BCL2L13: variants seen among roughly 807,000 people sequenced by gnomAD.
The protein encoded by BCL2L13 is BCL2 like 13.
A neutral mutation model predicts 25.8 loss-of-function variants in BCL2L13; 13 were observed. That is an observed-to-expected ratio of 0.50 (90% CI 0.33 to 0.80). The LOEUF is 0.80. Among genes scored for constraint, BCL2L13 ranks in the 30% least tolerant of loss-of-function variants. BCL2L13 has a pLI of 0.02. For missense variants in BCL2L13, 504 were observed against 574.9 expected (o/e 0.88, Z 1.26); for synonymous variants, 244 against 230.3 (o/e 1.06, Z -0.54).
chr22:17,715,500 C>T lies in BCL2L13; in HGVS notation c.601-11177C>T, dbSNP rs116234737. 5.7e-3 allele frequency among the ~76,000 whole-genome samples: 871 copies of T among 151,818 alleles called. 9 individuals are homozygous for T. Among genetic ancestry groups the T allele is most frequent in the African/African-American group, 0.02 (837 of 41,396 alleles). ...CCCAGCCTATATTAATGTAACTATA[C>T]ATAACATTATATTAATATAATAAAA... On this transcript the variant is annotated intron_variant, in intron 6 of 6. Transcript: ENST00000317582.
intron 2 of BCL2L13, among the ~76,000 whole-genome samples, chr22:17,668,804 A>T (rs982163365): frequency 2.0e-5 from 3 of 152,086 alleles, no homozygotes; most frequent in Non-Finnish European, 2.9e-5. Context: ...GGTTTGAAGT[A>T]GGGATTCAGA....
At chr22:17,697,909 A>C (rs570364534) in intron 5 of BCL2L13, among the ~76,000 whole-genome samples, 19 of 152,104 alleles carry the variant, frequency 1.2e-4, no homozygotes, top group South Asian at 4.2e-4. Context: ...GCTCACTGCA[A>C]CCTCCGCCTC....
chr22:17,728,643 T>C lies in BCL2L13; in HGVS notation c.*1109T>C, dbSNP rs1350514526. On this transcript the variant is annotated 3_prime_UTR_variant, in exon 7 of 7. Transcript: ENST00000317582. ...GGGTAAGGATTTTTATTCTTGGGCT[T>C]ATAGAGCCAGTTAGATCATAATTCT... 1 of 152,238 alleles carries C rather than the reference T, an allele frequency of 6.6e-6. No homozygotes were observed. Among genetic ancestry groups the C allele is most frequent in the African/African-American group, 2.4e-5 (1 of 41,466 alleles). The allele number at this position is 152,238 out of a possible 1,614,324, so 9.4% of individuals were successfully genotyped here. A position where few individuals can be genotyped will look rare whatever the true frequency, so the allele number is the denominator to read the frequency against.
chr22:17,703,285 C>T (rs2060494764), intron 6 of BCL2L13: 1 of 152,164 alleles, frequency 6.6e-6, no homozygotes, highest in African/African-American at 2.4e-5. Flanking sequence ...TGTCCATTTA[C>T]ATTTAATCAG....
chr22:17,723,241 C>T (rs1166756329), intron 6 of BCL2L13, among the ~76,000 whole-genome samples: 1 of 152,136 alleles, frequency 6.6e-6, no homozygotes, highest in East Asian at 1.9e-4. Flanking sequence ...TGGTCCTTAC[C>T]CTGAGGCTGG....
chr22:17,671,116 C>T (rs376108397), intron 2 of BCL2L13, among the ~76,000 whole-genome samples: 6 of 139,004 alleles, frequency 4.3e-5, no homozygotes, highest in Admixed American at 7.2e-5. Flanking sequence ...AAAAATTGGC[C>T]GGGCACGGTG....
At chr22:17,649,074 T>C (rs2058589458) in intron 1 of BCL2L13, among the ~76,000 whole-genome samples, 1 of 151,964 alleles carries the variant, frequency 6.6e-6, no homozygotes. Flanking sequence ...TTGTTGGGAT[T>C]ATGGGCATGA....
At chr22:17,652,395 C>G (rs958098145) in intron 1 of BCL2L13, among the ~76,000 whole-genome samples, 1 of 152,130 alleles carries the variant, frequency 6.6e-6, no homozygotes, top group African/African-American at 2.4e-5. Context: ...TGTGTAAAAT[C>G]ATGAAATATA....
At chr22:17,693,445 T>TCTCGG (rs2060175316) in intron 4 of BCL2L13, among the ~76,000 whole-genome samples, 1 of 142,606 alleles carries the variant, frequency 7.0e-6, no homozygotes, top group African/African-American at 2.6e-5. Context: ...AGTGGTGCAA[T>TCTCGG]CTCGGCTCAC....
At chr22:17,684,664 A>G (rs1287875591) in intron 3 of BCL2L13, 5 of 451,498 alleles carry the variant, frequency 1.1e-5, no homozygotes, top group Non-Finnish European at 1.8e-5. Context: ...CCCAGGTTCA[A>G]ATGATTCTCC....
intron 6 of BCL2L13, among the ~76,000 whole-genome samples, chr22:17,722,394 T>C (rs967439518): frequency 1.5e-4 from 23 of 151,558 alleles, no homozygotes; most frequent in East Asian, 7.8e-4. Context: ...TGTGTGTGTG[T>C]GTGTGTGTGT....
chr22:17,637,312 C>T (rs531103415), upstream of BCL2L13, among the ~76,000 whole-genome samples: 1 of 150,416 alleles, frequency 6.6e-6, no homozygotes, highest in East Asian at 2.0e-4. Context: ...GAGGCTGAGG[C>T]AGGAGAATCG....
chr22:17,664,041 G>A (rs1404374516), intron 2 of BCL2L13, among the ~76,000 whole-genome samples: 3 of 152,172 alleles, frequency 2.0e-5, no homozygotes, highest in African/African-American at 7.2e-5. Flanking sequence ...TAGAGACAGG[G>A]TTTTGCCATG....
At chr22:17,642,390 C>T (rs1011137222) in intron 1 of BCL2L13, among the ~76,000 whole-genome samples, 47 of 151,438 alleles carry the variant, frequency 3.1e-4, no homozygotes, top group Non-Finnish European at 3.4e-4. Flanking sequence ...AGCTCCTGAT[C>T]TCAGGTGATC....
intron 6 of BCL2L13, among the ~76,000 whole-genome samples, chr22:17,709,062 C>A (rs12168847): frequency 6.6e-6 from 1 of 151,822 alleles, no homozygotes; most frequent in African/African-American, 2.4e-5. Flanking sequence ...GGTGAAACCC[C>A]GTCTCTACTA....
chr22:17,722,075 G>A (rs1424113398), intron 6 of BCL2L13, among the ~76,000 whole-genome samples: 1 of 152,104 alleles, frequency 6.6e-6, no homozygotes, highest in African/African-American at 2.4e-5. Context: ...ATTTTATTAT[G>A]TATAAATATA....
intron 2 of BCL2L13, among the ~76,000 whole-genome samples, chr22:17,662,067 A>C (rs1258596369): frequency 6.6e-6 from 1 of 152,006 alleles, no homozygotes; most frequent in Non-Finnish European, 1.5e-5. Flanking sequence ...TTTTTCAGGG[A>C]TATTAGATTT....
At chr22:17,656,286 C>A (rs1226019434) in intron 2 of BCL2L13, among the ~76,000 whole-genome samples, 1 of 128,174 alleles carries the variant, frequency 7.8e-6, no homozygotes, top group Non-Finnish European at 1.6e-5. Flanking sequence ...TTATGCCATT[C>A]TTTCCATTTC....
At chr22:17,682,349 G>A (rs897029351) in intron 2 of BCL2L13, among the ~76,000 whole-genome samples, 9 of 152,108 alleles carry the variant, frequency 5.9e-5, no homozygotes, top group African/African-American at 2.2e-4. Context: ...AACTGTTGTG[G>A]GCAGGGTTGG....
Sources: allele counts gnomAD v4.1 joint callset (sites outside exome capture counted in the v4.1 genomes callset), GRCh38; gene constraint gnomAD v4.1.1; transcripts MANE v1.5; gene names NCBI Gene and HGNC (gene_info 2026-07-23, HGNC 2026-07-21).